The following UNC13C variants were observed in gnomAD, a reference collection of about 807,000 sequenced individuals.
UNC13C encodes the protein protein unc-13 homolog C.
In UNC13C, 174 loss-of-function variants were observed where a neutral mutation model predicts 245.4. That is an observed-to-expected ratio of 0.71 (90% CI 0.63 to 0.80). The LOEUF (loss-of-function observed/expected upper bound fraction) is 0.80, where lower values mean the gene tolerates loss of function less well. UNC13C is among the 30% of genes least tolerant of loss of function. The probability of loss-of-function intolerance (pLI) is 0.00; values close to 1 mark genes in which losing one functional copy is unlikely to be tolerated. For synonymous variants in UNC13C, 992 were observed against 895.1 expected (o/e 1.11, Z -1.93); for missense variants, 2,829 against 2,602.9 (o/e 1.09, Z -1.89).
chr15:54,571,505 G>C lies in UNC13C; in HGVS notation c.6106+3558G>C, dbSNP rs539247676. 2.6e-4 allele frequency among the ~76,000 whole-genome samples: 40 copies of C among 152,220 alleles called. 1 individual carries two copies. In the Middle Eastern group the frequency reaches 0.014, roughly 52 times the overall value. ...GTGGGGCACAGCCAAACCATGTCAC[G>C]GTGTAAATATTGTTGCAATTATCCA... On this transcript the variant is annotated intron_variant, in intron 30 of 32. Transcript: ENST00000260323.
intron 2 of UNC13C, among the ~76,000 whole-genome samples, chr15:54,104,324 C>G (rs931741291): frequency 3.4e-4 from 51 of 152,066 alleles, no homozygotes; most frequent in African/African-American, 1.2e-3. Flanking sequence ...CTTTTTCATC[C>G]TTTTTTTCCC....
At chr15:54,196,343 A>AG (rs1439714171) in intron 4 of UNC13C, among the ~76,000 whole-genome samples, 3 of 150,678 alleles carry the variant, frequency 2.0e-5, no homozygotes, top group East Asian at 1.9e-4. Context: ...AGGCTACTGG[A>AG]GAAAAAAAAA....
At chr15:54,122,443 T>C (rs1193583558) in intron 2 of UNC13C, among the ~76,000 whole-genome samples, 1 of 152,050 alleles carries the variant, frequency 6.6e-6, no homozygotes, top group Non-Finnish European at 1.5e-5. Context: ...TTTAACATGG[T>C]GAATTGTACC....
At chr15:54,261,045 T>C (rs2036410862) in intron 8 of UNC13C, among the ~76,000 whole-genome samples, 1 of 152,200 alleles carries the variant, frequency 6.6e-6, no homozygotes, top group Admixed American at 6.5e-5. Flanking sequence ...TCCATAATTA[T>C]ATTGTCTTAT....
intron 4 of UNC13C, among the ~76,000 whole-genome samples, chr15:54,212,882 A>C (rs377628726): frequency 3.9e-5 from 6 of 152,088 alleles, no homozygotes; most frequent in Admixed American, 2.6e-4. Context: ...AGGCATACCC[A>C]TTAGGAACAA....
intron 8 of UNC13C, among the ~76,000 whole-genome samples, chr15:54,251,369 A>C (rs937681367): frequency 3.9e-5 from 6 of 152,112 alleles, no homozygotes; most frequent in Non-Finnish European, 8.8e-5. Flanking sequence ...GGAATAACAA[A>C]ATTTACCTTA....
chr15:54,443,305 A>G (rs1890633286), intron 19 of UNC13C, among the ~76,000 whole-genome samples: 1 of 151,602 alleles, frequency 6.6e-6, no homozygotes, highest in African/African-American at 2.4e-5. Context: ...TTTTTCTTTT[A>G]TTCTTGGTTC....
At chr15:54,335,602 T>C (rs2038552889) in intron 16 of UNC13C, among the ~76,000 whole-genome samples, 1 of 152,146 alleles carries the variant, frequency 6.6e-6, no homozygotes, top group Non-Finnish European at 1.5e-5. Flanking sequence ...TCTTTGCCTG[T>C]AGGTTTGCCT....
chr15:54,028,687 T>C (rs973096743), intron 2 of UNC13C, among the ~76,000 whole-genome samples: 24 of 134,884 alleles, frequency 1.8e-4, no homozygotes, highest in Non-Finnish European at 2.4e-4. Context: ...TACAAGTCTT[T>C]TTTTTTTTTT....
At chr15:54,493,349 A>G (rs1041823910) in intron 19 of UNC13C, among the ~76,000 whole-genome samples, 2 of 151,930 alleles carry the variant, frequency 1.3e-5, no homozygotes, top group East Asian at 3.9e-4. Context: ...ATGTGAGTAC[A>G]TGTCTTTATG....
intron 12 of UNC13C, 39 bp downstream of exon 12, chr15:54,297,965 A>C: frequency 7.9e-7 from 1 of 1,266,072 alleles, no homozygotes; most frequent in Admixed American, 2.3e-5. Flanking sequence ...AATATAAGAA[A>C]TGTTCTTGAT....
At chr15:54,254,932 G>A (rs569205213) in intron 8 of UNC13C, among the ~76,000 whole-genome samples, 1 of 152,168 alleles carries the variant, frequency 6.6e-6, no homozygotes, top group South Asian at 2.1e-4. Flanking sequence ...CTCAGGACCC[G>A]CCATCTACAG....
intron 22 of UNC13C, among the ~76,000 whole-genome samples, chr15:54,506,283 C>G (rs894501493): frequency 2.0e-5 from 3 of 152,058 alleles, no homozygotes; most frequent in African/African-American, 7.2e-5. Context: ...ATAATGTCAT[C>G]AAGAAGCTGT....
intron 7 of UNC13C, 122 bp downstream of exon 7, chr15:54,237,812 A>ACATTTCCTCAG: frequency 1.2e-6 from 1 of 819,526 alleles, no homozygotes; most frequent in East Asian, 2.7e-5. Context: ...AATAACTGGG[A>ACATTTCCTCAG]GCATGAGGAA....
chr15:53,932,521 A>G, the UNC13C span, among the ~76,000 whole-genome samples: 14 of 152,270 alleles, frequency 9.2e-5, no homozygotes, highest in African/African-American at 3.1e-4. Flanking sequence ...GAAAATGAAC[A>G]AGGGAATGCT....
intron 13 of UNC13C, among the ~76,000 whole-genome samples, chr15:54,314,074 A>C (rs1368613974): frequency 1.3e-5 from 1 of 76,716 alleles, no homozygotes; most frequent in African/African-American, 6.2e-5. Context: ...TGTGGCATCA[A>C]AAAAAAAAAA....
chr15:54,172,991 G>A (rs1430267731), intron 4 of UNC13C, among the ~76,000 whole-genome samples: 1 of 151,402 alleles, frequency 6.6e-6, no homozygotes, highest in Non-Finnish European at 1.5e-5. Context: ...TGAAATACTA[G>A]CATCTCCCTC....
Position 54,013,011 on chromosome 15 carries a change from T to TCAGCAGACGATCAAG in UNC13C, c.115_116insCGATCAAGCAGCAGA (p.Gln38_Lys39insThrIleLysGlnGln). 1 of 1,613,880 alleles carries TCAGCAGACGATCAAG rather than the reference T, an allele frequency of 6.2e-7. No homozygotes were observed. Among genetic ancestry groups the TCAGCAGACGATCAAG allele is most frequent in the Non-Finnish European group, 8.5e-7 (1 of 1,179,834 alleles). ...ATACAAACAAAAACAAAGAGTATCGTCAGCAGAAAAAGGATCAAGACTTCC... is the reference window on the plus strand; with the variant it reads ...ATACAAACAAAAACAAAGAGTATCGTCAGCAGACGATCAAGCAGCAGAAAAAGGATCAAGACTTCC... On this transcript the variant is annotated inframe_insertion, in exon 2 of 33. Transcript: ENST00000260323.
At chr15:54,591,947 G>C (rs1169763886) in intron 30 of UNC13C, among the ~76,000 whole-genome samples, 1 of 151,994 alleles carries the variant, frequency 6.6e-6, no homozygotes, top group Admixed American at 6.6e-5. Context: ...GAACTTTCCT[G>C]TTAACACCAC....
Sources: allele counts gnomAD v4.1 joint callset (sites outside exome capture counted in the v4.1 genomes callset), GRCh38; gene constraint gnomAD v4.1.1; transcripts MANE v1.5; gene names NCBI Gene and HGNC (gene_info 2026-07-23, HGNC 2026-07-21).